ETS1: variants seen among roughly 807,000 people sequenced by gnomAD.
ETS1 encodes ETS proto-oncogene 1, transcription factor.
Under a neutral mutation model 58.6 loss-of-function variants are expected in ETS1, and 15 were observed. The ratio of observed to expected loss-of-function variants is 0.26; its 90% confidence interval spans 0.17 to 0.39. The LOEUF is 0.39. Among genes scored for constraint, ETS1 ranks in the 10% least tolerant of loss-of-function variants. The probability of loss-of-function intolerance (pLI) is 1.00; values close to 1 mark genes in which losing one functional copy is unlikely to be tolerated. For missense variants in ETS1, 417 were observed against 610.5 expected (o/e 0.68, Z 3.34); for synonymous variants, 214 against 218.2 (o/e 0.98, Z 0.17).
intron 3 of ETS1, among the ~76,000 whole-genome samples, chr11:128,525,058 TC>T (rs1863774177): frequency 6.6e-6 from 1 of 152,128 alleles, no homozygotes; most frequent in Non-Finnish European, 1.5e-5. Context: ...AATAAATACT[TC>T]TGTGCTTGTG....
At chr11:128,560,159 T>C (rs1176626460) in intron 2 of ETS1, among the ~76,000 whole-genome samples, 4 of 151,966 alleles carry the variant, frequency 2.6e-5, no homozygotes, top group African/African-American at 9.7e-5. Context: ...GTTGCCCAGG[T>C]TGAAGTGCAG....
chr11:128,585,306 AGGGAGG>A (rs1468299036), intron 1 of ETS1, among the ~76,000 whole-genome samples: 2 of 129,816 alleles, frequency 1.5e-5, no homozygotes, highest in African/African-American at 5.7e-5. Flanking sequence ...AAGGGAGGGA[AGGGAGG>A]GAAGAAGGAA....
chr11:128,578,946 C>T (rs1864807671), intron 1 of ETS1, among the ~76,000 whole-genome samples: 1 of 152,168 alleles, frequency 6.6e-6, no homozygotes, highest in Non-Finnish European at 1.5e-5. Context: ...TACATTCCCA[C>T]TAAATGCCGA....
intron 3 of ETS1, among the ~76,000 whole-genome samples, chr11:128,542,571 AAAAAAC>A (rs1469419232): frequency 6.6e-6 from 1 of 152,192 alleles, no homozygotes; most frequent in Non-Finnish European, 1.5e-5. Flanking sequence ...GGTATTAAAA[AAAAAAC>A]AAAACAAAAC....
At chr11:128,539,615 C>T (rs531244794) in intron 3 of ETS1, among the ~76,000 whole-genome samples, 17 of 152,236 alleles carry the variant, frequency 1.1e-4, no homozygotes, top group South Asian at 4.2e-4. Flanking sequence ...AGTTACCATA[C>T]GACCCAGAAA....
At chr11:128,539,247 C>T (rs1336474156) in intron 3 of ETS1, among the ~76,000 whole-genome samples, 2 of 152,108 alleles carry the variant, frequency 1.3e-5, no homozygotes, top group Admixed American at 6.5e-5. Context: ...TTCTAAACAT[C>T]CAGAAAGTAA....
intron 5 of ETS1, among the ~76,000 whole-genome samples, chr11:128,488,159 C>T (rs1565377150): frequency 6.6e-6 from 1 of 152,178 alleles, no homozygotes; most frequent in African/African-American, 2.4e-5. Flanking sequence ...ATAAACAGGT[C>T]GCTCATGTCA....
intron 3 of ETS1, among the ~76,000 whole-genome samples, chr11:128,515,415 T>C (rs1863497520): frequency 1.3e-5 from 2 of 152,192 alleles, no homozygotes; most frequent in South Asian, 4.2e-4. Context: ...TGATTTGGGT[T>C]TCTCAGACAC....
rs115766305 is a variant in ETS1 at position 128,560,656 on chromosome 11, C to T, written c.70-4221G>A. ...TTGCTCAAGAATGGTGGTTACTGTT[C>T]CATAATAGGTACTTAATGAATTATG... On this transcript the variant is annotated intron_variant, in intron 2 of 9. Transcript: ENST00000392668. Among the ~76,000 whole-genome samples the T allele has an allele frequency of 9.1e-3, 1,382 of 152,286 alleles. 21 individuals are homozygous for T. The highest frequency in any genetic ancestry group is 0.032 in the African/African-American group (1,346 of 41,530).
intron 1 of ETS1, among the ~76,000 whole-genome samples, chr11:128,579,657 T>C (rs1468360369): frequency 1.4e-5 from 2 of 138,734 alleles, no homozygotes; most frequent in Non-Finnish European, 3.1e-5. Flanking sequence ...CAAAACTCCA[T>C]TGAAAAAAAA....
At chr11:128,559,669 A>C (rs1413121028) in intron 2 of ETS1, among the ~76,000 whole-genome samples, 2 of 152,216 alleles carry the variant, frequency 1.3e-5, no homozygotes, top group African/African-American at 2.4e-5. Flanking sequence ...TGGTTTTGTT[A>C]TCTAGACACC....
At chr11:128,577,169 A>G (rs1235154452) in intron 1 of ETS1, among the ~76,000 whole-genome samples, 1 of 152,210 alleles carries the variant, frequency 6.6e-6, no homozygotes. Flanking sequence ...AATTGGTCTC[A>G]CAAGACTAAA....
chr11:128,573,926 C>T (rs1864690313), intron 1 of ETS1, among the ~76,000 whole-genome samples: 3 of 152,174 alleles, frequency 2.0e-5, no homozygotes, highest in Admixed American at 2.0e-4. Context: ...GATTAAATTC[C>T]TAGGCATACC....
At chr11:128,575,586 A>G (rs75727532) in intron 1 of ETS1, among the ~76,000 whole-genome samples, 2,774 of 152,336 alleles carry the variant, frequency 0.018, 90 homozygotes, top group African/African-American at 0.06. Context: ...CTTAGATTCT[A>G]TCAGACTCAG....
intron 3 of ETS1, among the ~76,000 whole-genome samples, chr11:128,511,062 A>T (rs1447245220): frequency 1.3e-5 from 2 of 152,238 alleles, no homozygotes. Context: ...ATCTAAGATG[A>T]CATTAATCTC....
chr11:128,503,702 T>C (rs2135485855), intron 3 of ETS1, among the ~76,000 whole-genome samples: 1 of 152,212 alleles, frequency 6.6e-6, no homozygotes, highest in East Asian at 1.9e-4. Context: ...ACAGACTAAT[T>C]ATTCCCTTCT....
chr11:128,581,419 G>T (rs188041344), intron 1 of ETS1, among the ~76,000 whole-genome samples: 1 of 152,168 alleles, frequency 6.6e-6, no homozygotes, highest in African/African-American at 2.4e-5. Context: ...CAAATGCTAT[G>T]CCTCAAATCC....
At chr11:128,474,629 G>A (rs1862273180) in intron 8 of ETS1, among the ~76,000 whole-genome samples, 1 of 152,182 alleles carries the variant, frequency 6.6e-6, no homozygotes, top group South Asian at 2.1e-4. Flanking sequence ...CAGCATGTGA[G>A]TCTATTACTC....
intron 3 of ETS1, among the ~76,000 whole-genome samples, chr11:128,529,666 G>A (rs181954225): frequency 5.3e-5 from 8 of 152,234 alleles, no homozygotes; most frequent in East Asian, 3.9e-4. Context: ...AACCAGTTCC[G>A]TATAAGAGCC....
Sources: allele counts gnomAD v4.1 joint callset (sites outside exome capture counted in the v4.1 genomes callset), GRCh38; gene constraint gnomAD v4.1.1; transcripts MANE v1.5; gene names NCBI Gene and HGNC (gene_info 2026-07-23, HGNC 2026-07-21).